The following ASCC1 variants were observed in gnomAD, a reference collection of about 807,000 sequenced individuals.
ASCC1 encodes the protein ASC-1 complex subunit P50.
ASCC1 carries 35 observed loss-of-function variants against 46.6 expected under a neutral mutation model. The observed-to-expected ratio is 0.75, with a 90% CI of 0.57 to 0.99. The LOEUF (loss-of-function observed/expected upper bound fraction) is 0.99. Among genes scored for constraint, ASCC1 ranks in the 50% least tolerant of loss-of-function variants. The pLI is 0.00. For missense variants in ASCC1, 376 were observed against 428.7 expected, an observed-to-expected ratio of 0.88 and a Z score of 1.09; for synonymous variants, 143 against 146.6, an observed-to-expected ratio of 0.98 and a Z score of 0.18.
chr10:72,207,801 A>G (rs566073925), intron 3 of ASCC1, among the ~76,000 whole-genome samples: 2 of 141,906 alleles, frequency 1.4e-5, no homozygotes, highest in Non-Finnish European at 3.1e-5. Context: ...TATTCCCAAG[A>G]AAGAAATCTT....
intron 3 of ASCC1, among the ~76,000 whole-genome samples, chr10:72,208,679 G>A (rs1049540794): frequency 6.6e-6 from 1 of 152,102 alleles, no homozygotes; most frequent in African/African-American, 2.4e-5. Context: ...AAAATCGTTT[G>A]AACCAAAGGG....
chr10:72,146,358 G>A (rs1383037299), intron 7 of ASCC1, among the ~76,000 whole-genome samples: 2 of 152,306 alleles, frequency 1.3e-5, no homozygotes, highest in East Asian at 3.9e-4. Flanking sequence ...TCTTTGAGGA[G>A]ATAAGAAGAA....
At chr10:72,198,583 T>C in intron 4 of ASCC1, 1 of 455,576 alleles carries the variant, frequency 2.2e-6, no homozygotes. Flanking sequence ...TGATGTTCCA[T>C]TGCCTGAGAT....
At chr10:72,207,368 C>T (rs749720654) in intron 3 of ASCC1, among the ~76,000 whole-genome samples, 2 of 152,166 alleles carry the variant, frequency 1.3e-5, no homozygotes, top group Non-Finnish European at 2.9e-5. Context: ...GAGCCCAGAT[C>T]GTGCCACTGC....
intron 5 of ASCC1, chr10:72,190,536 G>A (rs1191880296): frequency 6.6e-7 from 1 of 1,524,158 alleles, no homozygotes; most frequent in East Asian, 2.2e-5. Flanking sequence ...AGGGCAGCTT[G>A]GAGAAGGCGC....
intron 7 of ASCC1, 33 bp from the exon 8 acceptor site, chr10:72,133,214 C>T (rs1845805653): frequency 6.2e-7 from 1 of 1,611,778 alleles, no homozygotes; most frequent in Admixed American, 1.7e-5. Flanking sequence ...ATGCAGAAAT[C>T]TTAGTAAACT....
At chr10:72,164,936 G>A (rs921274792) in intron 5 of ASCC1, among the ~76,000 whole-genome samples, 2 of 152,100 alleles carry the variant, frequency 1.3e-5, no homozygotes, top group Admixed American at 6.5e-5. Context: ...CTGGAGAAAT[G>A]TCTACTAAAA....
At chr10:72,161,792 T>TGCCA in intron 5 of ASCC1, 118 bp from the exon 6 acceptor site, 1 of 1,152,404 alleles carries the variant, frequency 8.7e-7, no homozygotes. Context: ...TTCCACAAGG[T>TGCCA]GCCAAGACCA....
At chr10:72,166,477 A>G (rs1040075041) in intron 5 of ASCC1, among the ~76,000 whole-genome samples, 29 of 148,966 alleles carry the variant, frequency 1.9e-4, no homozygotes, top group Admixed American at 2.7e-4. Flanking sequence ...AAAAAAACCA[A>G]CATAATTGAG....
intron 5 of ASCC1, chr10:72,190,622 C>T: frequency 2.2e-6 from 2 of 919,478 alleles, no homozygotes; most frequent in Non-Finnish European, 3.2e-6. Context: ...CAATTTAAGA[C>T]AGTCATGTGT....
intron 6 of ASCC1, among the ~76,000 whole-genome samples, chr10:72,153,708 G>C (rs1848633426): frequency 6.6e-6 from 1 of 150,944 alleles, no homozygotes; most frequent in Non-Finnish European, 1.5e-5. Context: ...TTACAGGTGT[G>C]AGCCACCACG....
chr10:72,109,926 AT>A (rs1728602248), intron 9 of ASCC1, among the ~76,000 whole-genome samples: 1 of 152,208 alleles, frequency 6.6e-6, no homozygotes, highest in Non-Finnish European at 1.5e-5. Context: ...ACGTCACAGA[AT>A]TAGCCTCAGA....
At chr10:72,179,755 A>G (rs1361205698) in intron 5 of ASCC1, among the ~76,000 whole-genome samples, 1 of 152,222 alleles carries the variant, frequency 6.6e-6, no homozygotes, top group Non-Finnish European at 1.5e-5. Context: ...ACAAAGCTCA[A>G]TACATATTTG....
At chr10:72,132,094 C>T (rs1938863698) in intron 8 of ASCC1, among the ~76,000 whole-genome samples, 1 of 152,042 alleles carries the variant, frequency 6.6e-6, no homozygotes, top group South Asian at 2.1e-4. Flanking sequence ...GTCTTGAACT[C>T]CTAAATGCAA....
At chr10:72,166,205 T>TA (rs992772296) in intron 5 of ASCC1, among the ~76,000 whole-genome samples, 2 of 152,196 alleles carry the variant, frequency 1.3e-5, no homozygotes, top group Non-Finnish European at 2.9e-5. Flanking sequence ...GGCAAGTCCT[T>TA]ATGCATTTCA....
intron 9 of ASCC1, among the ~76,000 whole-genome samples, chr10:72,100,817 C>G (rs1841668010): frequency 6.6e-6 from 1 of 152,140 alleles, no homozygotes; most frequent in African/African-American, 2.4e-5. Context: ...TAGACTGCAT[C>G]TGATCGATAA....
intron 9 of ASCC1, among the ~76,000 whole-genome samples, chr10:72,100,008 C>A (rs184200336): frequency 6.7e-4 from 102 of 152,272 alleles, no homozygotes; most frequent in Admixed American, 2.3e-3. Context: ...TCTCTGCCAT[C>A]ATCACCCTTG....
At chr10:72,155,013 A>C (rs1848788269) in intron 6 of ASCC1, among the ~76,000 whole-genome samples, 1 of 152,224 alleles carries the variant, frequency 6.6e-6, no homozygotes, top group Admixed American at 6.5e-5. Flanking sequence ...TGATATAATA[A>C]GTTATATTTC....
intron 2 of ASCC1, 99 bp downstream of exon 2, chr10:72,213,088 C>G (rs1241903363): frequency 1.2e-6 from 1 of 810,402 alleles, no homozygotes; most frequent in Non-Finnish European, 2.1e-6. Flanking sequence ...TCTCAAATTT[C>G]AGTGCTGACA....
Sources: gnomAD v4.1 joint callset for allele counts (sites outside exome capture counted in the v4.1 genomes callset) on GRCh38, gnomAD v4.1.1 for gene constraint, MANE v1.5 for transcripts, NCBI Gene and HGNC (gene_info 2026-07-23, HGNC 2026-07-21) for gene names.